GALNT18: variants seen among roughly 807,000 people sequenced by gnomAD.
The protein encoded by GALNT18 is polypeptide N-acetylgalactosaminyltransferase 18.
GALNT18 carries 44 observed loss-of-function variants against 69.5 expected under a neutral mutation model. That is an observed-to-expected ratio of 0.63 (90% CI 0.50 to 0.81). The LOEUF is 0.81. GALNT18 is among the 40% of genes least tolerant of loss of function. The probability of loss-of-function intolerance (pLI) is 0.00; values close to 1 mark genes in which losing one functional copy is unlikely to be tolerated. For synonymous variants in GALNT18, 364 were observed against 318.2 expected, an observed-to-expected ratio of 1.14 and a Z score of -1.53; for missense variants, 715 against 810.0, an observed-to-expected ratio of 0.88 and a Z score of 1.42.
chr11:11,497,208 G>A lies in GALNT18; in HGVS notation c.236-48272C>T. Among the ~76,000 whole-genome samples, 1 of 151,986 alleles carries A rather than the reference G, an allele frequency of 6.6e-6. No individual in the cohort carries two copies. Among genetic ancestry groups the A allele is most frequent in the South Asian group, 2.1e-4 (1 of 4,808 alleles). ...AACCTTCCCCAACCAGCCAACATCA[G>A]CACCCTCAACTGACCCTTGTCAGTC... is the stretch of plus-strand genomic sequence containing the variant. On this transcript the variant is annotated intron_variant, in intron 1 of 10. Transcript: ENST00000227756. This position sits in a 1 kb window ranked among gnomAD's most constrained non-coding sequence, Gnocchi z 4.2.
In GALNT18 at chr11:11,596,153, T is replaced by A. The variant is rs1174635071; in HGVS notation, c.235+25206A>T. ...TGTTAAAAGACTATTCTTTCCCCCC[T>A]TTAAATTGTTTGAGCATCCTTATCA... On this transcript the variant is annotated intron_variant, in intron 1 of 10. Transcript: ENST00000227756. This position sits in a 1 kb window ranked among gnomAD's most constrained non-coding sequence, Gnocchi z 4.2. Among the ~76,000 whole-genome samples, 2 of 152,202 alleles carry A rather than the reference T, an allele frequency of 1.3e-5. No individual in the cohort carries two copies. Among genetic ancestry groups the A allele is most frequent in the African/African-American group, 2.4e-5 (1 of 41,456 alleles).
intron 1 of GALNT18, among the ~76,000 whole-genome samples, chr11:11,478,615 A>G (rs1856452651): frequency 6.6e-6 from 1 of 152,264 alleles, no homozygotes; most frequent in Non-Finnish European, 1.5e-5. Flanking sequence ...GATTTGATAG[A>G]GCACATACAA....
intron 9 of GALNT18, among the ~76,000 whole-genome samples, chr11:11,302,313 C>T (rs974216018): frequency 2.6e-5 from 4 of 152,142 alleles, no homozygotes; most frequent in Non-Finnish European, 5.9e-5. Flanking sequence ...AATGGGTGCC[C>T]CATTTTACTG....
At chr11:11,532,484 C>G (rs1356044691) in intron 1 of GALNT18, among the ~76,000 whole-genome samples, 1 of 152,206 alleles carries the variant, frequency 6.6e-6, no homozygotes, top group Non-Finnish European at 1.5e-5. Flanking sequence ...TCTCCCTTAC[C>G]CAGAACATAG....
rs1197452381 is a variant in GALNT18, at chr11:11,603,320, TAG to T, written c.235+18037_235+18038del. Among the ~76,000 whole-genome samples, 1 of 152,224 alleles carries T rather than the reference TAG, an allele frequency of 6.6e-6. No homozygotes were observed. The highest frequency in any genetic ancestry group is 1.5e-5 in the Non-Finnish European group (1 of 68,036). On this transcript the variant is annotated intron_variant, in intron 1 of 10. Transcript: ENST00000227756. This position sits in a 1 kb window ranked among gnomAD's most constrained non-coding sequence, Gnocchi z 4.5. ...AGTTACCACCTCAGCGTTCAGAATCTAGAGAGTTTTCTAGATCTGAGCAGATT... is the reference window on the plus strand; with the variant it reads ...AGTTACCACCTCAGCGTTCAGAATCTAGAGTTTTCTAGATCTGAGCAGATT...
intron 1 of GALNT18, among the ~76,000 whole-genome samples, chr11:11,490,597 CAGGGGCCTAT>C: frequency 6.6e-6 from 1 of 152,222 alleles, no homozygotes; most frequent in East Asian, 1.9e-4. Context: ...CAGCCCAGTC[CAGGGGCCTAT>C]AGGGACAGGT....
rs1287518857 is a variant in GALNT18 at position 11,614,688 on chromosome 11, G to C, written c.235+6671C>G. Among the ~76,000 whole-genome samples, 1 of 152,172 alleles carries C rather than the reference G, an allele frequency of 6.6e-6. No homozygotes were observed. Among genetic ancestry groups the C allele is most frequent in the East Asian group, 1.9e-4 (1 of 5,196 alleles). On this transcript the variant is annotated intron_variant, in intron 1 of 10. Transcript: ENST00000227756. The surrounding 1 kb of genome is among the most constrained non-coding windows in gnomAD (Gnocchi z 5.6). The stretch of plus-strand genomic sequence containing the variant: ...GACTCTGAATCCCATAAATACCTTT[G>C]GGAAAACATAGGCCAGCCTAACCCA...
At chr11:11,550,317 G>C (rs1043885736) in intron 1 of GALNT18, among the ~76,000 whole-genome samples, 10 of 152,170 alleles carry the variant, frequency 6.6e-5, no homozygotes, top group Non-Finnish European at 1.5e-4. Flanking sequence ...CCATGCTTCG[G>C]ACCTCTCAGA....
chr11:11,508,928 T>C (rs977997602), intron 1 of GALNT18, among the ~76,000 whole-genome samples: 1 of 152,130 alleles, frequency 6.6e-6, no homozygotes, highest in African/African-American at 2.4e-5. Context: ...GGCTCAGAAA[T>C]CTTTGATGGC....
chr11:11,346,723 TA>T (rs1008079704), intron 6 of GALNT18, among the ~76,000 whole-genome samples: 1 of 152,070 alleles, frequency 6.6e-6, no homozygotes, highest in Admixed American at 6.6e-5. Context: ...AAGTGGATTG[TA>T]GAGAACAGTT....
intron 6 of GALNT18, among the ~76,000 whole-genome samples, chr11:11,362,121 C>T (rs566776240): frequency 6.6e-6 from 1 of 152,146 alleles, no homozygotes; most frequent in East Asian, 1.9e-4. Flanking sequence ...AACTGGTTGA[C>T]CATATAGAAA....
Position 11,319,584 on chromosome 11 carries a change from T to C in GALNT18, c.1512+7502A>G, listed in dbSNP as rs547005155. On this transcript the variant is annotated intron_variant, in intron 9 of 10. Coordinates refer to ENST00000227756, the MANE Select transcript of GALNT18 (RefSeq NM_198516.3). ...GACAAGGTAATGAATTAAAAAGTCA[T>C]AGAATTCCAGGGTGCAAGAGCCCTT... 2.3e-4 allele frequency among the ~76,000 whole-genome samples: 35 copies of C among 152,302 alleles called. No homozygotes were observed. In the East Asian group the frequency reaches 2.9e-3, roughly 13 times the overall value.
intron 1 of GALNT18, among the ~76,000 whole-genome samples, chr11:11,610,514 A>T (rs947343491): frequency 6.6e-6 from 1 of 152,088 alleles, no homozygotes; most frequent in Non-Finnish European, 1.5e-5. Context: ...ATGAATTCAG[A>T]CCTATTTTTC....
Position 11,525,632 on chromosome 11 carries a change from CTTTTTTTTTT to C in GALNT18, c.236-76706_236-76697del, listed in dbSNP as rs33938067. Among the ~76,000 whole-genome samples the C allele has an allele frequency of 1.3e-4, 15 of 118,632 alleles. 1 individual carries two copies. In the South Asian group the frequency reaches 4.3e-3, roughly 34 times the overall value. The allele number at this position is 118,632 out of a possible 152,430, so 77.8% of individuals were successfully genotyped here. ...TGATGATCTGGTGTTGTGCATATTA[CTTTTTTTTTT>C]TTTTTTTTTGAGATGGAGTTTCGCT... is the stretch of plus-strand genomic sequence containing the variant. On this transcript the variant is annotated intron_variant, in intron 1 of 10. Coordinates refer to ENST00000227756, the MANE Select transcript of GALNT18 (RefSeq NM_198516.3).
chr11:11,525,282 CCTTACCTT>C (rs1421785908), intron 1 of GALNT18, among the ~76,000 whole-genome samples: 1 of 151,970 alleles, frequency 6.6e-6, no homozygotes, highest in African/African-American at 2.4e-5. Flanking sequence ...TCCACTGGAT[CCTTACCTT>C]CTAGGGTAAT....
At chr11:11,610,604 C>G (rs1859872675) in intron 1 of GALNT18, among the ~76,000 whole-genome samples, 1 of 152,092 alleles carries the variant, frequency 6.6e-6, no homozygotes, top group African/African-American at 2.4e-5. Flanking sequence ...GATTCTTCTT[C>G]TAATATAAAT....
chr11:11,608,361 T>C (rs1014149790), intron 1 of GALNT18, among the ~76,000 whole-genome samples: 1 of 151,730 alleles, frequency 6.6e-6, no homozygotes, highest in Non-Finnish European at 1.5e-5. Flanking sequence ...GTCTTTTTTG[T>C]TTTTTGGTTT....
rs367852422 is a variant in GALNT18, at chr11:11,356,895, A to G, written c.1092+15620T>C. Among the ~76,000 whole-genome samples the G allele has an allele frequency of 6.6e-6, 1 of 152,182 alleles. No homozygotes were observed. Among genetic ancestry groups the G allele is most frequent in the East Asian group, 1.9e-4 (1 of 5,194 alleles). ...TTTTGCACTTATCTTCACTAACCAT[A>G]AAACTTTTACAACGTACTTTTAAAC... On this transcript the variant is annotated intron_variant, in intron 6 of 10. Transcript: ENST00000227756. The surrounding 1 kb of genome is among the most constrained non-coding windows in gnomAD (Gnocchi z 4.4).
intron 6 of GALNT18, among the ~76,000 whole-genome samples, chr11:11,368,402 C>T (rs1203630735): frequency 6.6e-6 from 1 of 152,054 alleles, no homozygotes; most frequent in Non-Finnish European, 1.5e-5. Flanking sequence ...ATGTTTTTTG[C>T]CTAACCCTCC....
Sources: allele counts gnomAD v4.1 joint callset (sites outside exome capture counted in the v4.1 genomes callset), GRCh38; gene constraint gnomAD v4.1.1; non-coding constraint Gnocchi (gnomAD v3.1); transcripts MANE v1.5; gene names NCBI Gene and HGNC (gene_info 2026-07-23, HGNC 2026-07-21).